Variants in GREB1L observed in about 807,000 individuals in gnomAD.
GREB1L encodes the protein GREB1-like protein.
GREB1L carries 17 observed loss-of-function variants against 200.8 expected under a neutral mutation model. The ratio of observed to expected loss-of-function variants is 0.08; its 90% CI spans 0.06 to 0.13. The LOEUF (loss-of-function observed/expected upper bound fraction) is 0.13. Among genes scored for constraint, GREB1L ranks in the 10% least tolerant of loss-of-function variants. GREB1L has a pLI of 1.00. For missense variants in GREB1L, 1,657 were observed against 2,367.7 expected (o/e 0.70, Z 6.23); for synonymous variants, 789 against 893.0 (o/e 0.88, Z 2.08).
At chr18:21,430,247 A>G (rs1044017353) in intron 7 of GREB1L, among the ~76,000 whole-genome samples, 1 of 151,970 alleles carries the variant, frequency 6.6e-6, no homozygotes, top group Non-Finnish European at 1.5e-5. Context: ...ATGGCATACA[A>G]TTGTTCATAG....
chr18:21,339,060 G>A (rs1372521361), intron 1 of GREB1L, among the ~76,000 whole-genome samples: 2 of 152,074 alleles, frequency 1.3e-5, no homozygotes, highest in Non-Finnish European at 2.9e-5. Context: ...GGTGGCGGGC[G>A]CCTGTAATCC....
chr18:21,334,264 C>T lies in GREB1L; in HGVS notation c.-119-31763C>T, dbSNP rs544244924. On this transcript the variant is annotated intron_variant, in intron 1 of 32. Transcript: ENST00000424526. The stretch of plus-strand genomic sequence containing the variant: ...GAAGTGAGTGAGTCTTGTTTTAATT[C>T]CACTTGGTATCAGTACCTGGGTAAA... Among the ~76,000 whole-genome samples the T allele has an allele frequency of 3.9e-5, 6 of 152,158 alleles. No homozygotes were observed. The South Asian group carries it at 1.2e-3, about 32-fold the overall frequency.
rs1457580864 is a variant in GREB1L at position 21,500,161 on chromosome 18, A to G, written c.3824A>G (p.Asp1275Gly). 6.4e-7 allele frequency: 1 copy of G among 1,551,394 alleles called. No individual in the cohort carries two copies. The highest frequency in any genetic ancestry group is 1.2e-5 in the South Asian group (1 of 84,064). ...VSSLRPLLNKDMSSEEQSLYY... is the reference protein window; with the variant it reads ...VSSLRPLLNKGMSSEEQSLYY... ...TCCCTGCGGCCACTCCTGAACAAGG[A>G]CATGAGCAGTGAGGAGCAGTCCCTC... is the stretch of plus-strand genomic sequence containing the variant. Residue 1275 changes from aspartate to glycine, a missense_variant, in exon 22 of 33, where the codon GAC (aspartate) becomes GGC (glycine). By Grantham distance (94) the Asp-to-Gly change is moderately conservative. Coordinates refer to ENST00000424526, the MANE Select transcript of GREB1L (RefSeq NM_001142966.3).
At chr18:21,310,883 C>T (rs1185064811) in intron 1 of GREB1L, among the ~76,000 whole-genome samples, 1 of 152,164 alleles carries the variant, frequency 6.6e-6, no homozygotes, top group African/African-American at 2.4e-5. Flanking sequence ...TCTTCCTGCA[C>T]CTCAAGTGCT....
At chr18:21,430,154 T>C (rs1271705801) in intron 7 of GREB1L, among the ~76,000 whole-genome samples, 4 of 152,180 alleles carry the variant, frequency 2.6e-5, no homozygotes, top group African/African-American at 4.8e-5. Context: ...AAAGGGCCTA[T>C]GTTCAAATAC....
chr18:21,499,988 C>T lies in GREB1L; in HGVS notation c.3651C>T (p.Pro1217=), dbSNP rs922610894. 1.8e-5 allele frequency: 28 copies of T among 1,551,448 alleles called. No homozygotes were observed. The highest frequency in any genetic ancestry group is 9.8e-5 in the Admixed American group (5 of 50,992). Residue 1217 remains proline (P), a synonymous_variant, in exon 22 of 33, where the codon CCC becomes CCT. Coordinates refer to ENST00000424526, the MANE Select transcript of GREB1L (RefSeq NM_001142966.3). ...GGACCCTCCCATGGCCGGGACAGCC[C>T]ATCAGAGGCTGCCGGGGCCCACAGG... The part of the protein sequence containing the change: ...GPRTLPWPGQ[P]IRGCRGPQAA...
At chr18:21,516,880 T>G in intron 30 of GREB1L, 126 bp downstream of exon 30, 7 of 813,752 alleles carry the variant, frequency 8.6e-6, no homozygotes, top group Non-Finnish European at 1.1e-5. Flanking sequence ...CAAGGGAGTT[T>G]TTTTTTTTTT....
chr18:21,492,294 C>T (rs1376783410), intron 19 of GREB1L, among the ~76,000 whole-genome samples: 4 of 151,438 alleles, frequency 2.6e-5, no homozygotes, highest in Non-Finnish European at 4.4e-5. Flanking sequence ...TGTAGTGAGC[C>T]GAGATTGTGC....
chr18:21,333,261 T>C (rs1320784505), intron 1 of GREB1L, among the ~76,000 whole-genome samples: 9 of 152,194 alleles, frequency 5.9e-5, no homozygotes, highest in Non-Finnish European at 1.0e-4. Context: ...ACTGGGTTCA[T>C]TTATTAACTA....
chr18:21,455,880 C>G (rs998576159), intron 15 of GREB1L, among the ~76,000 whole-genome samples: 1 of 149,398 alleles, frequency 6.7e-6, no homozygotes, highest in Non-Finnish European at 1.5e-5. Flanking sequence ...GGGTTGTGCT[C>G]CGGATTCTGC....
At chr18:21,468,085 A>G (rs2035338231) in intron 15 of GREB1L, among the ~76,000 whole-genome samples, 1 of 152,150 alleles carries the variant, frequency 6.6e-6, no homozygotes, top group South Asian at 2.1e-4. Flanking sequence ...GCATGCAAAA[A>G]CACAAATGTT....
intron 27 of GREB1L, 123 bp downstream of exon 27, chr18:21,508,714 G>GCAA: frequency 6.2e-6 from 2 of 321,046 alleles, no homozygotes; most frequent in Non-Finnish European, 5.7e-6. Flanking sequence ...ACCACTCTTC[G>GCAA]GAAAAAAAAA....
chr18:21,510,708 C>T (rs2037205936), intron 27 of GREB1L, among the ~76,000 whole-genome samples: 1 of 152,100 alleles, frequency 6.6e-6, no homozygotes, highest in African/African-American at 2.4e-5. Flanking sequence ...TATCTAGAAG[C>T]GAGATTGCTA....
At chr18:21,440,012 G>A (rs1181248195) in intron 8 of GREB1L, among the ~76,000 whole-genome samples, 1 of 152,128 alleles carries the variant, frequency 6.6e-6, no homozygotes, top group African/African-American at 2.4e-5. Context: ...AAGGTTGTGG[G>A]TAGAATCAAA....
intron 17 of GREB1L, among the ~76,000 whole-genome samples, chr18:21,480,520 G>T (rs1322363874): frequency 6.6e-6 from 1 of 152,022 alleles, no homozygotes; most frequent in Non-Finnish European, 1.5e-5. Flanking sequence ...GATCAACATG[G>T]GATAAAGGGA....
intron 15 of GREB1L, among the ~76,000 whole-genome samples, chr18:21,458,309 G>A (rs913196648): frequency 1.3e-5 from 2 of 152,194 alleles, no homozygotes; most frequent in African/African-American, 4.8e-5. Context: ...CTAGTGCCTC[G>A]TTTCATGCCT....
intron 23 of GREB1L, among the ~76,000 whole-genome samples, chr18:21,505,150 G>A (rs2036962179): frequency 6.6e-6 from 1 of 152,172 alleles, no homozygotes; most frequent in African/African-American, 2.4e-5. Flanking sequence ...AATTTGGCCT[G>A]GTGGAGACTA....
Position 21,485,735 on chromosome 18 carries a change from T to C in GREB1L, c.2672T>C (p.Val891Ala), listed in dbSNP as rs1219491122. The C allele has an allele frequency of 1.9e-6, 3 of 1,551,532 alleles. No homozygotes were observed. In the Admixed American group the frequency reaches 5.9e-5, roughly 30 times the overall value. ...TGTGACGAGACTTTTGAAAAAATGG[T>C]GAACACACTCTTGGAGAGGTAAATA... ...LRCDETFEKMVNTLLERYPRL... is the reference protein window; with the variant it reads ...LRCDETFEKMANTLLERYPRL... Residue 891 changes from valine (V) to alanine (A), a missense_variant, in exon 18 of 33, where the codon GTG becomes GCG. This residue lies in a region of GREB1L where 82 missense variants were observed against 95.9 expected (regional missense o/e 0.85). Transcript: ENST00000424526.
At chr18:21,506,519 G>A (rs1003002432) in intron 25 of GREB1L, among the ~76,000 whole-genome samples, 3 of 152,182 alleles carry the variant, frequency 2.0e-5, no homozygotes, top group African/African-American at 4.8e-5. Context: ...ATGGTTACAC[G>A]TGTCATGTTT....
Sources: gnomAD v4.1 joint callset for allele counts (sites outside exome capture counted in the v4.1 genomes callset) on GRCh38, gnomAD v4.1.1 for gene constraint, gnomAD v4.1.1 regional missense constraint, MANE v1.5 for transcripts, NCBI Gene and HGNC (gene_info 2026-07-23, HGNC 2026-07-21) for gene names.